CSNK1G2: variants seen among roughly 807,000 people sequenced by gnomAD.
CSNK1G2 encodes casein kinase 1 gamma 2.
In CSNK1G2, 11 loss-of-function variants were observed where a neutral mutation model predicts 48.0. That is an observed-to-expected ratio of 0.23 (90% confidence interval 0.14 to 0.38). The LOEUF (loss-of-function observed/expected upper bound fraction) is 0.38. CSNK1G2 is among the 10% of genes least tolerant of loss of function. CSNK1G2 has a pLI of 1.00. For synonymous variants in CSNK1G2, 337 were observed against 254.1 expected, an observed-to-expected ratio of 1.33 and a Z score of -3.10; for missense variants, 446 against 595.5, an observed-to-expected ratio of 0.75 and a Z score of 2.61.
At chr19:1,956,571 G>A (rs1721120439) in intron 1 of CSNK1G2, among the ~76,000 whole-genome samples, 3 of 152,222 alleles carry the variant, frequency 2.0e-5, no homozygotes. Context: ...ACTCAGACCC[G>A]GCAGCTGTGG....
At chr19:1,955,537 G>A (rs1315116850) in intron 1 of CSNK1G2, among the ~76,000 whole-genome samples, 5 of 151,708 alleles carry the variant, frequency 3.3e-5, no homozygotes, top group Admixed American at 6.6e-5. Context: ...CGGGGTGGGC[G>A]TGTGCCTGGG....
intron 1 of CSNK1G2, chr19:1,953,824 G>A (rs1375020337): frequency 3.8e-6 from 2 of 526,990 alleles, no homozygotes; most frequent in Non-Finnish European, 7.9e-6. Flanking sequence ...ATCACCTGTG[G>A]CCCTCCTGTG....
intron 1 of CSNK1G2, among the ~76,000 whole-genome samples, chr19:1,968,111 C>A (rs191574753): frequency 5.9e-5 from 3 of 50,832 alleles, no homozygotes; most frequent in African/African-American, 4.4e-4. Context: ...AGGCTGCCCC[C>A]GACCACCCTT....
chr19:1,955,439 C>T (rs2014951277), intron 1 of CSNK1G2, among the ~76,000 whole-genome samples: 1 of 149,470 alleles, frequency 6.7e-6, no homozygotes, highest in Non-Finnish European at 1.5e-5. Context: ...CTGGGCTGCC[C>T]TTCACCGGCT....
At chr19:1,953,487 C>T (rs1370795958) in intron 1 of CSNK1G2, 1 of 533,994 alleles carries the variant, frequency 1.9e-6, no homozygotes, top group Non-Finnish European at 3.8e-6. Context: ...CCATGGCAGC[C>T]TTGCCTCCGT....
chr19:1,948,691 G>GT (rs1029611727), intron 1 of CSNK1G2, among the ~76,000 whole-genome samples: 7 of 152,152 alleles, frequency 4.6e-5, no homozygotes, highest in African/African-American at 1.7e-4. Flanking sequence ...CACGCAAGTG[G>GT]TTTTTGTACA....
chr19:1,976,936 T>G (rs548824431), intron 2 of CSNK1G2, among the ~76,000 whole-genome samples: 3 of 152,118 alleles, frequency 2.0e-5, no homozygotes, highest in African/African-American at 7.2e-5. Flanking sequence ...ATGGGGTTTC[T>G]CCATGTTTGT....
Position 1,978,451 on chromosome 19 carries a change from A to G in CSNK1G2, c.238A>G (p.Lys80Glu). 1 of 1,609,358 alleles carries G rather than the reference A, an allele frequency of 6.2e-7. No homozygotes were observed. Among genetic ancestry groups the G allele is most frequent in the Non-Finnish European group, 8.5e-7 (1 of 1,178,522 alleles). Residue 80 changes from lysine to glutamate, a missense_variant, in exon 4 of 12, where the codon AAG becomes GAG. This residue lies in a region of CSNK1G2 where 258 missense variants were observed against 415.9 expected (regional missense o/e 0.62). Transcript: ENST00000255641. The surrounding 1 kb of genome is among the most constrained non-coding windows in gnomAD (Gnocchi z 7.3). ...EYVAIKLEPI[K>E]SRAPQLHLEY... ...GCTCTTGTGCCCCCAGGAGCCGATCAAGTCCCGGGCCCCGCAGCTGCACCT... is the reference window on the plus strand; with the variant it reads ...GCTCTTGTGCCCCCAGGAGCCGATCGAGTCCCGGGCCCCGCAGCTGCACCT...
At chr19:1,974,050 G>A (rs1044439656) in intron 2 of CSNK1G2, among the ~76,000 whole-genome samples, 1 of 152,004 alleles carries the variant, frequency 6.6e-6, no homozygotes, top group African/African-American at 2.4e-5. Context: ...ACCACACCCA[G>A]CTAATTTTTG....
chr19:1,947,965 C>T (rs930211622), intron 1 of CSNK1G2, among the ~76,000 whole-genome samples: 5 of 17,180 alleles, frequency 2.9e-4, no homozygotes, highest in African/African-American at 2.0e-3. Context: ...TCAGCTCGTC[C>T]TCGTGCCCGG....
Position 1,979,375 on chromosome 19 carries a change from C to T in CSNK1G2, c.825C>T (p.Pro275=). 2 of 1,601,984 alleles carry T rather than the reference C, an allele frequency of 1.2e-6. No individual in the cohort carries two copies. Among genetic ancestry groups the T allele is most frequent in the East Asian group, 2.3e-5 (1 of 44,386 alleles). Residue 275 remains proline, a synonymous_variant, in exon 8 of 12, where the codon CCC becomes CCT. Coordinates refer to ENST00000255641, the MANE Select transcript of CSNK1G2 (RefSeq NM_001319.7). ...TCGGGGACACCAAACGCGCCACGCC[C>T]ATCGAGGTGCTCTGCGAGAACTTCC... ...QKIGDTKRAT[P]IEVLCENFPE...
chr19:1,943,429 G>A (rs2014440129), intron 1 of CSNK1G2, among the ~76,000 whole-genome samples: 1 of 152,178 alleles, frequency 6.6e-6, no homozygotes, highest in Non-Finnish European at 1.5e-5. Context: ...TGGAATTGCC[G>A]ATTTGGGTTT....
intron 1 of CSNK1G2, among the ~76,000 whole-genome samples, chr19:1,965,196 C>CCATCCTCGCTAG (rs551727585): frequency 2.0e-5 from 3 of 149,408 alleles, no homozygotes; most frequent in Admixed American, 6.6e-5. Context: ...GAGATCGAGA[C>CCATCCTCGCTAG]CACAGTGAAA....
At chr19:1,944,075 C>T (rs1397339484) in intron 1 of CSNK1G2, among the ~76,000 whole-genome samples, 1 of 152,018 alleles carries the variant, frequency 6.6e-6, no homozygotes, top group East Asian at 1.9e-4. Flanking sequence ...GTTAGGGTTG[C>T]GGTGGTGGCG....
At chr19:1,948,554 A>AAC (rs5826751) in intron 1 of CSNK1G2, among the ~76,000 whole-genome samples, 83,818 of 142,106 alleles carry the variant, frequency 0.59, 26,065 homozygotes, top group Non-Finnish European at 0.69. Flanking sequence ...AAAAAAAAAA[A>AAC]GATCCCGTCA....
chr19:1,965,064 C>T (rs1348644761), intron 1 of CSNK1G2, among the ~76,000 whole-genome samples: 2 of 150,310 alleles, frequency 1.3e-5, no homozygotes, highest in Admixed American at 6.6e-5. Flanking sequence ...TCACTGACAA[C>T]GCACCTGGTC....
At chr19:1,950,241 A>G (rs542411150) in intron 1 of CSNK1G2, among the ~76,000 whole-genome samples, 12 of 151,882 alleles carry the variant, frequency 7.9e-5, no homozygotes, top group Admixed American at 1.3e-4. Context: ...CCGGGTTCAC[A>G]CCATTCTCCT....
chr19:1,969,811 G>A lies in CSNK1G2; in HGVS notation c.39G>A (p.Glu13=). The A allele has an allele frequency of 7.6e-7, 1 of 1,310,184 alleles. No individual in the cohort carries two copies. Among genetic ancestry groups the A allele is most frequent in the Non-Finnish European group, 9.8e-7 (1 of 1,020,830 alleles). 81.2% of individuals were successfully genotyped at this position (1,310,184 alleles called of 1,614,324 possible). The change falls in exon 2 of 12, where the codon GAG becomes GAA. Residue 13 remains glutamate, a synonymous_variant. Transcript: ENST00000255641. ...AGAAAGGAGGGAAAGGGGAGACGGAGGAGGGCCGGAGAATGTCCAAGGCCG... is the reference window on the plus strand; with the variant it reads ...AGAAAGGAGGGAAAGGGGAGACGGAAGAGGGCCGGAGAATGTCCAAGGCCG... The part of the protein sequence containing the change: ...FDKKGGKGET[E]EGRRMSKAGG...
Position 1,979,598 on chromosome 19 carries a change from T to C in CSNK1G2, c.957T>C (p.Ser319=). 1 of 1,606,958 alleles carries C rather than the reference T, an allele frequency of 6.2e-7. No individual in the cohort carries two copies. Among genetic ancestry groups the C allele is most frequent in the Non-Finnish European group, 8.5e-7 (1 of 1,179,880 alleles). Residue 319 remains serine, a synonymous_variant, in exon 9 of 12, where the codon AGT becomes AGC. Transcript: ENST00000255641. The part of the protein sequence containing the change: ...RKLFTDLFDR[S]GFVFDYEYDW... ...TCTTCACCGACCTCTTCGACCGCAG[T>C]GGCTTCGTGTTCGACTATGAGTACG... is the stretch of plus-strand genomic sequence containing the variant.
Sources: allele counts gnomAD v4.1 joint callset (sites outside exome capture counted in the v4.1 genomes callset), GRCh38; gene constraint gnomAD v4.1.1; regional missense constraint gnomAD v4.1.1; non-coding constraint Gnocchi (gnomAD v3.1); transcripts MANE v1.5; gene names NCBI Gene and HGNC (gene_info 2026-07-23, HGNC 2026-07-21).